The following ASTN1 variants were observed in gnomAD, a reference collection of about 807,000 sequenced individuals.
ASTN1 encodes astrotactin 1, also known as astrotactin-1.
Under a neutral mutation model 140.7 loss-of-function variants are expected in ASTN1, and 41 were observed. The ratio of observed to expected loss-of-function variants is 0.29; its 90% CI spans 0.23 to 0.38. The LOEUF is 0.38. Ranked by LOEUF, ASTN1 falls within the 10% of genes least tolerant of loss-of-function variation. The pLI, the probability that ASTN1 is intolerant of heterozygous loss-of-function variation, is 1.00. For missense variants in ASTN1, 1,479 were observed against 1,678.8 expected, an observed-to-expected ratio of 0.88 and a Z score of 2.08; for synonymous variants, 640 against 652.2, an observed-to-expected ratio of 0.98 and a Z score of 0.29.
intron 13 of ASTN1, among the ~76,000 whole-genome samples, chr1:176,945,412 T>TA (rs1671912642): frequency 1.3e-5 from 2 of 152,232 alleles, no homozygotes; most frequent in Non-Finnish European, 2.9e-5. Flanking sequence ...TTTGCAAATT[T>TA]AAAAAATATC....
At chr1:177,108,498 G>A (rs974335431) in intron 1 of ASTN1, among the ~76,000 whole-genome samples, 5 of 151,986 alleles carry the variant, frequency 3.3e-5, no homozygotes, top group Admixed American at 1.3e-4. Flanking sequence ...ATGTCTTCAA[G>A]GTTTCTCCAT....
chr1:177,049,454 G>T (rs927827968), intron 2 of ASTN1, among the ~76,000 whole-genome samples: 1 of 152,178 alleles, frequency 6.6e-6, no homozygotes, highest in Non-Finnish European at 1.5e-5. Flanking sequence ...AATACTAACA[G>T]AGGTTGCATA....
intron 1 of ASTN1, among the ~76,000 whole-genome samples, chr1:177,137,639 C>T (rs1350252165): frequency 6.6e-6 from 1 of 152,154 alleles, no homozygotes; most frequent in Non-Finnish European, 1.5e-5. Context: ...CACAAACTGT[C>T]AAGGTCTGTG....
rs1308389228 is a variant in ASTN1 at position 176,946,098 on chromosome 1, C to T, written c.2077G>A (p.Gly693Ser). 1.2e-6 allele frequency: 2 copies of T among 1,612,618 alleles called. No homozygotes were observed. Among genetic ancestry groups the T allele is most frequent in the East Asian group, 2.2e-5 (1 of 44,858 alleles). Residue 693 changes from glycine to serine, a missense_variant, in exon 13 of 23, where the codon GGT becomes AGT. Gly to Ser is a moderately conservative substitution (Grantham distance 56, BLOSUM62 0). Transcript: ENST00000361833. Reference sequence around the variant, plus strand: ...AGTTGGCAAGAGCGTCCATCCACACCAAGCTTGTAGTCCTCGATGCACCTA... The same window carrying T: ...AGTTGGCAAGAGCGTCCATCCACACTAAGCTTGTAGTCCTCGATGCACCTA... ...FCGCIEDYKL[G>S]VDGRSCQLIT...
chr1:176,969,106 C>A (rs1673018733), intron 8 of ASTN1, among the ~76,000 whole-genome samples: 1 of 152,122 alleles, frequency 6.6e-6, no homozygotes, highest in Non-Finnish European at 1.5e-5. Context: ...GAGGAAAGGC[C>A]TCTGTATTTG....
chr1:177,142,949 T>G (rs1682543284), intron 1 of ASTN1, among the ~76,000 whole-genome samples: 1 of 151,488 alleles, frequency 6.6e-6, no homozygotes. Flanking sequence ...TTATTTTAAG[T>G]GCCTTTGAGT....
At chr1:176,924,499 T>C (rs1020678858) in intron 16 of ASTN1, among the ~76,000 whole-genome samples, 1 of 152,220 alleles carries the variant, frequency 6.6e-6, no homozygotes, top group Non-Finnish European at 1.5e-5. Flanking sequence ...ATCAGTATCA[T>C]AAATTATTGC....
chr1:177,156,292 C>T (rs1181674344), intron 1 of ASTN1, among the ~76,000 whole-genome samples: 2 of 151,100 alleles, frequency 1.3e-5, no homozygotes, highest in Non-Finnish European at 2.9e-5. Context: ...AACAAAAAAC[C>T]CAACAACACC....
In ASTN1 at chr1:176,937,842, G is replaced by A. The variant is rs74681002; in HGVS notation, c.2378-1472C>T. ...ATGTAGTGAATTATCCTGCCATTTC[G>A]ACCCATGTTTCTTTCAGGCTAAATC... is the stretch of plus-strand genomic sequence containing the variant. On this transcript the variant is annotated intron_variant, in intron 14 of 22. Coordinates refer to ENST00000361833, the MANE Select transcript of ASTN1 (RefSeq NM_004319.3). Among the ~76,000 whole-genome samples the A allele has an allele frequency of 6.3e-3, 958 of 152,150 alleles. 10 individuals are homozygous for A. The highest frequency in any genetic ancestry group is 0.022 in the African/African-American group (902 of 41,510).
Position 176,868,940 on chromosome 1 carries a change from C to A in ASTN1, c.3551G>T (p.Gly1184Val). ...QTAYNTLLDL[G>V]SPTLHRVLYH... The stretch of plus-strand genomic sequence containing the variant: ...GAGGACCCGGTGTAAGGTGGGGGAA[C>A]CCAGATCCAGGAGGGTGTTGTAGGC... Residue 1184 changes from glycine to valine, a missense_variant, in exon 22 of 23, where the codon GGT (glycine) becomes GTT (valine). By Grantham distance (109) the Gly-to-Val change is moderately radical. Coordinates refer to ENST00000361833, the MANE Select transcript of ASTN1 (RefSeq NM_004319.3). The A allele has an allele frequency of 6.2e-7, 1 of 1,612,912 alleles. No individual in the cohort carries two copies.
chr1:177,000,821 G>A (rs1674691967), intron 8 of ASTN1, among the ~76,000 whole-genome samples: 1 of 152,202 alleles, frequency 6.6e-6, no homozygotes. Context: ...ATTACCAAGA[G>A]TGTTCAAACA....
intron 2 of ASTN1, among the ~76,000 whole-genome samples, chr1:177,060,716 G>A (rs1189907498): frequency 6.6e-6 from 1 of 152,134 alleles, no homozygotes; most frequent in Non-Finnish European, 1.5e-5. Context: ...GGCTAGGCTG[G>A]TCTTGAACTC....
chr1:177,143,390 C>T lies in ASTN1; in HGVS notation c.283+21004G>A, dbSNP rs150798883. 7.9e-3 allele frequency among the ~76,000 whole-genome samples: 1,202 copies of T among 152,234 alleles called. 10 individuals carry two copies. Among genetic ancestry groups the T allele is most frequent in the Non-Finnish European group, 0.014 (939 of 68,016 alleles). ...GGAAGTCAGATTTGCTATGGCCACGCGCAGGGACTTTATTCTGGGCTGAAC... is the reference window on the plus strand; with the variant it reads ...GGAAGTCAGATTTGCTATGGCCACGTGCAGGGACTTTATTCTGGGCTGAAC... On this transcript the variant is annotated intron_variant, in intron 1 of 22. Transcript: ENST00000361833.
intron 16 of ASTN1, among the ~76,000 whole-genome samples, chr1:176,922,093 A>G (rs529114011): frequency 1.3e-5 from 2 of 152,300 alleles, no homozygotes; most frequent in African/African-American, 4.8e-5. Context: ...TGACCCCCTT[A>G]TGCCCCGGAG....
intron 2 of ASTN1, among the ~76,000 whole-genome samples, chr1:177,037,472 T>C (rs186649968): frequency 5.2e-4 from 79 of 152,364 alleles, no homozygotes; most frequent in African/African-American, 1.8e-3. Flanking sequence ...ACAGAAGTTC[T>C]TCACATGCAC....
chr1:176,907,783 C>G (rs2103055674), intron 16 of ASTN1, among the ~76,000 whole-genome samples: 1 of 152,278 alleles, frequency 6.6e-6, no homozygotes, highest in Non-Finnish European at 1.5e-5. Flanking sequence ...TAATGCTGTC[C>G]TCCAGACAAT....
At chr1:176,933,914 T>G (rs1421681666) in intron 16 of ASTN1, among the ~76,000 whole-genome samples, 2 of 152,182 alleles carry the variant, frequency 1.3e-5, no homozygotes, top group Non-Finnish European at 1.5e-5. Flanking sequence ...CTGTGATAAC[T>G]AACATAGTAA....
intron 1 of ASTN1, among the ~76,000 whole-genome samples, chr1:177,121,054 G>T (rs530756051): frequency 1.8e-4 from 27 of 151,368 alleles, no homozygotes; most frequent in Admixed American, 3.9e-4. Context: ...TTTGCATTTT[G>T]TCTGTTGTTG....
At position 176,949,923 on chromosome 1, in the gene ASTN1, T is replaced by A. The variant is rs115120925; in HGVS notation, c.1888-572A>T. Among the ~76,000 whole-genome samples, 626 of 152,272 alleles carry A rather than the reference T, an allele frequency of 4.1e-3. 3 individuals carry two copies. Among genetic ancestry groups the A allele is most frequent in the African/African-American group, 0.014 (585 of 41,546 alleles). On this transcript the variant is annotated intron_variant, in intron 11 of 22. Transcript: ENST00000361833. ...TCTCATAGTGGGAGTAGCTGTGTCATCACCTCCCTGTGTCAGGGATGCTCT... is the reference window on the plus strand; with the variant it reads ...TCTCATAGTGGGAGTAGCTGTGTCAACACCTCCCTGTGTCAGGGATGCTCT...
Sources: allele counts gnomAD v4.1 joint callset (sites outside exome capture counted in the v4.1 genomes callset), GRCh38; gene constraint gnomAD v4.1.1; transcripts MANE v1.5; gene names NCBI Gene and HGNC (gene_info 2026-07-23, HGNC 2026-07-21).